The following EMX2 variants were observed in gnomAD, a reference collection of about 807,000 sequenced individuals.
EMX2 encodes homeobox protein EMX2.
EMX2 carries 6 observed loss-of-function variants against 23.0 expected under a neutral mutation model. The ratio of observed to expected loss-of-function variants is 0.26; its 90% CI spans 0.14 to 0.52. EMX2 has a LOEUF of 0.52. EMX2 is among the 20% of genes least tolerant of loss of function. The pLI is 0.97. For missense variants in EMX2, 302 were observed against 341.4 expected, an observed-to-expected ratio of 0.88 and a Z score of 0.91; for synonymous variants, 175 against 153.3, an observed-to-expected ratio of 1.14 and a Z score of -1.04.
intron 1 of EMX2, among the ~76,000 whole-genome samples, chr10:117,543,918 A>G (rs1846535890): frequency 6.6e-6 from 1 of 152,178 alleles, no homozygotes; most frequent in Non-Finnish European, 1.5e-5. Flanking sequence ...AGGGGTGCGA[A>G]CGGAGAAGTT....
chr10:117,543,786 G>C (rs8192644), intron 1 of EMX2, 113 bp downstream of exon 1: 17 of 1,522,170 alleles, frequency 1.1e-5, no homozygotes, highest in Non-Finnish European at 1.3e-5. Context: ...CCTCCGGCTC[G>C]CGGGCCAGCG....
chr10:117,544,522 A>G (rs1846547214), intron 1 of EMX2: 1 of 152,166 alleles, frequency 6.6e-6, no homozygotes, highest in African/African-American at 2.4e-5. Context: ...AACTTCAGAA[A>G]AAGGAGTAAT....
In EMX2 at chr10:117,548,217, G is replaced by A. The variant is rs528975205; in HGVS notation, c.744G>A (p.Val248=). The A allele has an allele frequency of 1.2e-5, 19 of 1,613,830 alleles. No individual in the cohort carries two copies. Among genetic ancestry groups the A allele is most frequent in the Non-Finnish European group, 1.1e-5 (13 of 1,179,910 alleles). ...TKQASPEEID[V]TSDD ...AGGCGAGTCCGGAGGAAATAGACGT[G>A]ACCTCAGATGATTAAAAACATAAAC... The change falls in exon 3 of 3, where the codon GTG becomes GTA. Residue 248 remains valine (V), a synonymous_variant. Transcript: ENST00000553456.
intron 1 of EMX2, among the ~76,000 whole-genome samples, chr10:117,544,038 A>G (rs1224287574): frequency 6.6e-6 from 1 of 152,044 alleles, no homozygotes; most frequent in African/African-American, 2.4e-5. Context: ...AATGCCCCCA[A>G]CCGTCCTGGC....
rs779429663 is a variant in EMX2 at position 117,545,666 on chromosome 10, C to T, written c.441C>T (p.His147=). Residue 147 remains histidine (H), a synonymous_variant, in exon 2 of 3, where the codon CAC becomes CAT. Transcript: ENST00000553456. The part of the protein sequence containing the change: ...NDTSPESFLL[H]NALARKPKRI... Reference sequence around the variant, plus strand: ...CTAGCCCCGAGAGTTTCCTTTTGCACAACGCGCTGGCCCGAAAGCCCAAGC... The same window carrying T: ...CTAGCCCCGAGAGTTTCCTTTTGCATAACGCGCTGGCCCGAAAGCCCAAGC... The T allele has an allele frequency of 9.9e-6, 16 of 1,614,014 alleles. No homozygotes were observed. The highest frequency in any genetic ancestry group is 1.1e-5 in the Non-Finnish European group (13 of 1,180,046).
At chr10:117,546,099 G>C (rs1846575045) in intron 2 of EMX2, among the ~76,000 whole-genome samples, 1 of 144,314 alleles carries the variant, frequency 6.9e-6, no homozygotes, top group Non-Finnish European at 1.5e-5. Context: ...CTGCATTTCT[G>C]GTGAGACTTT....
At position 117,548,047 on chromosome 10, in the gene EMX2, T is replaced by C; in HGVS notation, c.592-18T>C. 2 of 1,602,752 alleles carry C rather than the reference T, an allele frequency of 1.2e-6. No homozygotes were observed. Among genetic ancestry groups the C allele is most frequent in the Non-Finnish European group, 1.7e-6 (2 of 1,174,732 alleles). ...GCTCTGAAAGAACTAACGCACCCCA[T>C]CTGCCTCTCACCCGCAGGTAAAAGT... On this transcript the variant is annotated intron_variant, in intron 2 of 2. Coordinates refer to ENST00000553456, the MANE Select transcript of EMX2 (RefSeq NM_004098.4).
At chr10:117,547,947 C>T in intron 2 of EMX2, 118 bp from the exon 3 acceptor site, 3 of 1,432,340 alleles carry the variant, frequency 2.1e-6, no homozygotes, top group Non-Finnish European at 2.8e-6. Context: ...ACTTGCATCT[C>T]GGGGGCTGGG....
rs1335825450 is a variant in EMX2 at position 117,545,716 on chromosome 10, C to T, written c.491C>T (p.Ser164Phe). Residue 164 changes from serine (S) to phenylalanine (F), a missense_variant, in exon 2 of 3, where the codon TCC (serine) becomes TTC (phenylalanine). Physicochemically the swap from Ser to Phe is radical, Grantham distance 155. This residue lies in a region of EMX2 where 37 missense variants were observed against 69.1 expected (regional missense o/e 0.54). Coordinates refer to ENST00000553456, the MANE Select transcript of EMX2 (RefSeq NM_004098.4). Reference sequence around the variant, plus strand: ...CGGATCCGAACCGCCTTCTCCCCGTCCCAGCTTCTAAGGCTGGAACACGCC... The same window carrying T: ...CGGATCCGAACCGCCTTCTCCCCGTTCCAGCTTCTAAGGCTGGAACACGCC... Reference protein sequence around the residue: ...PKRIRTAFSPSQLLRLEHAFE... With the variant: ...PKRIRTAFSPFQLLRLEHAFE... 2 of 1,614,042 alleles carry T rather than the reference C, an allele frequency of 1.2e-6. No individual in the cohort carries two copies. The highest frequency in any genetic ancestry group is 1.7e-6 in the Non-Finnish European group (2 of 1,180,054).
At chr10:117,545,600 C>A (rs559409554) in intron 1 of EMX2, 32 bp from the exon 2 acceptor site, 9 of 1,613,332 alleles carry the variant, frequency 5.6e-6, no homozygotes, top group Non-Finnish European at 5.9e-6. Flanking sequence ...GAGCAGCCCC[C>A]CCTAATGGGA....
intron 1 of EMX2, 30 bp downstream of exon 1, chr10:117,543,703 G>C (rs766457972): frequency 2.7e-5 from 43 of 1,591,720 alleles, no homozygotes; most frequent in Middle Eastern, 1.7e-4. Context: ...ACTGCAGCGC[G>C]CCGCTCCCGC....
chr10:117,545,551 G>A (rs888792305), intron 1 of EMX2, 81 bp from the exon 2 acceptor site: 7 of 1,577,694 alleles, frequency 4.4e-6, no homozygotes, highest in Admixed American at 3.5e-5. Flanking sequence ...GCACGGTGCC[G>A]GGCCAGCCCG....
chr10:117,545,559 C>A, intron 1 of EMX2, 73 bp from the exon 2 acceptor site: 2 of 1,593,646 alleles, frequency 1.3e-6, no homozygotes, highest in Non-Finnish European at 1.7e-6. Flanking sequence ...CCGGGCCAGC[C>A]CGGCTCGGGA....
At chr10:117,546,067 G>T (rs1846574580) in intron 2 of EMX2, among the ~76,000 whole-genome samples, 1 of 152,236 alleles carries the variant, frequency 6.6e-6, no homozygotes, top group Non-Finnish European at 1.5e-5. Context: ...GTCCAGTTGG[G>T]CATGTCCTGG....
In EMX2 at chr10:117,545,519, C is replaced by T. The variant is rs940537253; in HGVS notation, c.407-113C>T. ...CCACCGGCCCCCGCAGGTCGAGCGG[C>T]GCGGCTATGCGAAGGCCCTGAGCAC... On this transcript the variant is annotated intron_variant, in intron 1 of 2. Coordinates refer to ENST00000553456, the MANE Select transcript of EMX2 (RefSeq NM_004098.4). The T allele has an allele frequency of 3.6e-5, 48 of 1,316,016 alleles. No homozygotes were observed. The Admixed American group carries it at 1.0e-3, about 28-fold the overall frequency. 81.5% of individuals were successfully genotyped at this position (1,316,016 alleles called of 1,614,324 possible).
rs1171241388 is a variant in EMX2, at chr10:117,549,536, A to G, written c.*1304A>G. Reference sequence around the variant, plus strand: ...ATATTTTGTCAATAAAGATTTATCAATATGCCCTCAGAGTAGTCGTCTTGG... The same window carrying G: ...ATATTTTGTCAATAAAGATTTATCAGTATGCCCTCAGAGTAGTCGTCTTGG... On this transcript the variant is annotated 3_prime_UTR_variant, in exon 3 of 3. Coordinates refer to ENST00000553456, the MANE Select transcript of EMX2 (RefSeq NM_004098.4). The G allele has an allele frequency of 6.5e-6, 1 of 152,680 alleles. No homozygotes were observed. The highest frequency in any genetic ancestry group is 1.5e-5 in the Non-Finnish European group (1 of 68,048). The allele number at this position is 152,680 out of a possible 1,614,324, so 9.5% of individuals were successfully genotyped here.
Position 117,543,311 on chromosome 10 carries a change from T to A in EMX2, c.44T>A (p.Leu15Gln), listed in dbSNP as rs1367081706. Residue 15 changes from leucine to glutamine, a missense_variant, in exon 1 of 3, where the codon CTG becomes CAG. Leu to Gln is a moderately radical substitution (Grantham distance 113). Around this residue, in one of 4 missense-constraint regions of EMX2, gnomAD observed 221 missense variants for 206.8 expected, o/e 1.07. Coordinates refer to ENST00000553456, the MANE Select transcript of EMX2 (RefSeq NM_004098.4). ...AAGCGCTGCTTCACCATCGAGTCGC[T>A]GGTGGCCAAGGACAGTCCCCTGCCC... is the stretch of plus-strand genomic sequence containing the variant. ...APKRCFTIES[L>Q]VAKDSPLPAS... The A allele has an allele frequency of 6.4e-7, 1 of 1,551,092 alleles. No homozygotes were observed. The highest frequency in any genetic ancestry group is 1.4e-5 in the African/African-American group (1 of 72,914).
At chr10:117,547,930 C>T (rs1048818470) in intron 2 of EMX2, 135 bp from the exon 3 acceptor site, 31 of 1,291,778 alleles carry the variant, frequency 2.4e-5, no homozygotes, top group Non-Finnish European at 3.1e-5. Flanking sequence ...GGAGGCTGGA[C>T]CTTAGGACTT....
In EMX2 at chr10:117,548,788, A is replaced by C; in HGVS notation, c.*556A>C. On this transcript the variant is annotated 3_prime_UTR_variant, in exon 3 of 3. Coordinates refer to ENST00000553456, the MANE Select transcript of EMX2 (RefSeq NM_004098.4). ...AAATAATTAGTAATAAAAAACAAAAATTCCATATCTAGCCCCATCCCACAC... is the reference window on the plus strand; with the variant it reads ...AAATAATTAGTAATAAAAAACAAAACTTCCATATCTAGCCCCATCCCACAC... The C allele has an allele frequency of 2.5e-6, 1 of 405,808 alleles. No homozygotes were observed. Among genetic ancestry groups the C allele is most frequent in the South Asian group, 1.3e-4 (1 of 7,886 alleles). The allele number at this position is 405,808 out of a possible 1,614,324, so 25.1% of individuals were successfully genotyped here.
Sources: allele counts gnomAD v4.1 joint callset (sites outside exome capture counted in the v4.1 genomes callset), GRCh38; gene constraint gnomAD v4.1.1; regional missense constraint gnomAD v4.1.1; transcripts MANE v1.5; gene names NCBI Gene and HGNC (gene_info 2026-07-23, HGNC 2026-07-21).